MAP3K4: variants seen among roughly 807,000 people sequenced by gnomAD.
MAP3K4 encodes the protein MAP three kinase 1.
Under a neutral mutation model 185.6 loss-of-function variants are expected in MAP3K4, and 67 were observed. The ratio of observed to expected loss-of-function variants is 0.36; its 90% CI spans 0.30 to 0.44. The LOEUF (loss-of-function observed/expected upper bound fraction) is 0.44, where lower values mean the gene tolerates loss of function less well. Among genes scored for constraint, MAP3K4 ranks in the 20% least tolerant of loss-of-function variants. MAP3K4 has a pLI of 1.00. For missense variants in MAP3K4, 1,551 were observed against 1,995.1 expected (o/e 0.78, Z 4.24); for synonymous variants, 702 against 710.4 (o/e 0.99, Z 0.19).
In MAP3K4 at chr6:161,109,615, A is replaced by G. The variant is rs572799679; in HGVS notation, c.4237-140A>G. On this transcript the variant is annotated intron_variant, in intron 22 of 26. Coordinates refer to ENST00000392142, the MANE Select transcript of MAP3K4 (RefSeq NM_005922.4). This position sits in a 1 kb window ranked among gnomAD's most constrained non-coding sequence, Gnocchi z 5.7. The stretch of plus-strand genomic sequence containing the variant: ...GAAACGACTGTTGTGAGACACATTC[A>G]GTGCTCAGGATGGCAAGTGTAGTAT... 6 of 790,074 alleles carry G rather than the reference A, an allele frequency of 7.6e-6. No individual in the cohort carries two copies. The South Asian group carries it at 1.0e-4, about 14-fold the overall frequency. The allele number at this position is 790,074 out of a possible 1,614,324, so 48.9% of individuals were successfully genotyped here.
chr6:161,039,059 C>T (rs1480934239), intron 2 of MAP3K4, among the ~76,000 whole-genome samples: 5 of 152,192 alleles, frequency 3.3e-5, no homozygotes, highest in Middle Eastern at 3.4e-3. Context: ...CCTTAGCTTC[C>T]GCGGTTGTGC....
chr6:161,021,481 T>A (rs1377448038), intron 1 of MAP3K4, among the ~76,000 whole-genome samples: 21 of 152,190 alleles, frequency 1.4e-4, no homozygotes, highest in Admixed American at 1.4e-3. Context: ...TCTGCCTCCT[T>A]TTTCTGTGCA....
chr6:161,091,894 T>C lies in MAP3K4; in HGVS notation c.3136-116T>C, dbSNP rs1777328270. 7 of 871,754 alleles carry C rather than the reference T, an allele frequency of 8.0e-6. No homozygotes were observed. The highest frequency in any genetic ancestry group is 1.8e-5 in the South Asian group (1 of 55,706). The allele number at this position is 871,754 out of a possible 1,614,324, so 54.0% of individuals were successfully genotyped here. On this transcript the variant is annotated intron_variant, in intron 12 of 26. Coordinates refer to ENST00000392142, the MANE Select transcript of MAP3K4 (RefSeq NM_005922.4). This position sits in a 1 kb window ranked among gnomAD's most constrained non-coding sequence, Gnocchi z 5.5. ...CTTCATACTATTCAAAATATAGAAA[T>C]TTTAATTGGATTTCACTTTTTGTTT...
chr6:161,022,997 G>A lies in MAP3K4; in HGVS notation c.153-11262G>A, dbSNP rs1782475431. ...ATTGAAAACATAAACAAGTATAAAT[G>A]TTTTATTCCCATTTAACATAATTTT... On this transcript the variant is annotated intron_variant, in intron 1 of 26. Transcript: ENST00000392142. This position sits in a 1 kb window ranked among gnomAD's most constrained non-coding sequence, Gnocchi z 4.2. 6.6e-6 allele frequency among the ~76,000 whole-genome samples: 1 copy of A among 152,078 alleles called. No individual in the cohort carries two copies. Among genetic ancestry groups the A allele is most frequent in the Non-Finnish European group, 1.5e-5 (1 of 68,002 alleles).
Position 161,070,590 on chromosome 6 carries a change from G to T in MAP3K4, c.1708-18G>T, listed in dbSNP as rs1182654852. The T allele has an allele frequency of 2.5e-6, 4 of 1,610,924 alleles. No homozygotes were observed. The East Asian group carries it at 8.9e-5, about 36-fold the overall frequency. On this transcript the variant is annotated intron_variant, in intron 3 of 26. Coordinates refer to ENST00000392142, the MANE Select transcript of MAP3K4 (RefSeq NM_005922.4). The surrounding 1 kb of genome is among the most constrained non-coding windows in gnomAD (Gnocchi z 4.5). ...TCGTATGCTCTTTTAATCTGTGCCT[G>T]TTGAATTTTTGTTATAGTTTTCTGA...
intron 19 of MAP3K4, among the ~76,000 whole-genome samples, chr6:161,104,319 C>T (rs1362746371): frequency 6.7e-6 from 1 of 149,752 alleles, no homozygotes; most frequent in African/African-American, 2.5e-5. Context: ...GAGGCTGAGG[C>T]AGAAGAATTG....
intron 1 of MAP3K4, among the ~76,000 whole-genome samples, chr6:161,031,673 T>G (rs77334937): frequency 0.038 from 5,844 of 152,336 alleles, 149 homozygotes; most frequent in South Asian, 0.072. Context: ...TGCTAGATAC[T>G]AGCAAAACAG....
chr6:161,050,035 C>A, intron 3 of MAP3K4, 56 bp downstream of exon 3: 1 of 1,459,818 alleles, frequency 6.9e-7, no homozygotes, highest in Non-Finnish European at 9.2e-7. Flanking sequence ...TTATTTATTG[C>A]AAATTATAAT....
rs1057374883 is a variant in MAP3K4, at chr6:161,061,654, G to C, written c.1708-8954G>C. The stretch of plus-strand genomic sequence containing the variant: ...TCACTAGCCCTATCTCTAGGCAACC[G>C]CTAATCTACTTTCTGTCTCTTAATA... On this transcript the variant is annotated intron_variant, in intron 3 of 26. Transcript: ENST00000392142. This position sits in a 1 kb window ranked among gnomAD's most constrained non-coding sequence, Gnocchi z 4.2. 6.6e-6 allele frequency among the ~76,000 whole-genome samples: 1 copy of C among 152,122 alleles called. No homozygotes were observed. The highest frequency in any genetic ancestry group is 2.1e-4 in the South Asian group (1 of 4,832).
intron 3 of MAP3K4, among the ~76,000 whole-genome samples, chr6:161,069,361 G>C (rs1352901541): frequency 6.6e-6 from 1 of 152,212 alleles, no homozygotes; most frequent in Non-Finnish European, 1.5e-5. Flanking sequence ...GGTGAACCTT[G>C]AAAACTAAGG....
At chr6:160,992,197 T>C (rs1465848768) in intron 1 of MAP3K4, 114 bp downstream of exon 1, 2 of 1,352,370 alleles carry the variant, frequency 1.5e-6, no homozygotes, top group Non-Finnish European at 1.9e-6. Flanking sequence ...AAGCATCCAG[T>C]CTCTGCAGGC....
chr6:161,068,635 T>C (rs1277183821), intron 3 of MAP3K4, among the ~76,000 whole-genome samples: 2 of 152,176 alleles, frequency 1.3e-5, no homozygotes, highest in African/African-American at 4.8e-5. Flanking sequence ...GATTGACGCG[T>C]TGTAATCAGA....
Position 161,111,832 on chromosome 6 carries a change from T to G in MAP3K4, c.4397-4T>G. On this transcript the variant is annotated splice_region_variant and splice_polypyrimidine_tract_variant and intron_variant, in intron 23 of 26. Coordinates refer to ENST00000392142, the MANE Select transcript of MAP3K4 (RefSeq NM_005922.4). ...TGCGTAACAACTACTTCTTTTCTTT[T>G]TAGGTGCCAATATCTTCCTTACCTC... 1 of 1,613,768 alleles carries G rather than the reference T, an allele frequency of 6.2e-7. No homozygotes were observed. Among genetic ancestry groups the G allele is most frequent in the South Asian group, 1.1e-5 (1 of 90,986 alleles).
intron 13 of MAP3K4, 52 bp from the exon 14 acceptor site, chr6:161,092,926 C>A: frequency 9.4e-7 from 1 of 1,062,510 alleles, no homozygotes; most frequent in Non-Finnish European, 1.5e-6. Context: ...TCTAAAACTG[C>A]TACAGCGTTT....
rs145569434 is a variant in MAP3K4 at position 161,086,586 on chromosome 6, C to T, written c.2475C>T (p.Asp825=). 7.7e-3 allele frequency: 12,346 copies of T among 1,613,398 alleles called. 81 individuals are homozygous for T. The highest frequency in any genetic ancestry group is 0.033 in the Admixed American group (1,979 of 59,978). Residue 825 remains aspartate (D), a splice_region_variant and synonymous_variant, in exon 9 of 27, where the codon GAC becomes GAT. Transcript: ENST00000392142. This position sits in a 1 kb window ranked among gnomAD's most constrained non-coding sequence, Gnocchi z 4.8. ...TTTCTTTGTAACTGTGATCCTAGGA[C>T]CTGGAAATAGCAGCAGAATTCAGGC... ...ALGFAKMLRK[D]LEIAAEFRLS...
At position 161,054,744 on chromosome 6, in the gene MAP3K4, C is replaced by T. The variant is rs554438380; in HGVS notation, c.1707+4765C>T. On this transcript the variant is annotated intron_variant, in intron 3 of 26. Transcript: ENST00000392142. This position sits in a 1 kb window ranked among gnomAD's most constrained non-coding sequence, Gnocchi z 4.2. ...TGTTTGGGATCTTGAAAATACTTAT[C>T]TATAGAAACAGTGTTGTAAATAAGA... Among the ~76,000 whole-genome samples the T allele has an allele frequency of 6.6e-6, 1 of 152,250 alleles. No individual in the cohort carries two copies. The highest frequency in any genetic ancestry group is 1.9e-4 in the East Asian group (1 of 5,180).
rs556737716 is a variant in MAP3K4, at chr6:161,088,024, C to T, written c.2823+70C>T. On this transcript the variant is annotated intron_variant, in intron 10 of 26. Transcript: ENST00000392142. This position sits in a 1 kb window ranked among gnomAD's most constrained non-coding sequence, Gnocchi z 4.5. ...TTTAGTAAGAATGAACTGTTAGCTGCTCATGAATGAGGGGTTTGACTACCC... is the reference window on the plus strand; with the variant it reads ...TTTAGTAAGAATGAACTGTTAGCTGTTCATGAATGAGGGGTTTGACTACCC... 43 of 1,487,436 alleles carry T rather than the reference C, an allele frequency of 2.9e-5. No individual in the cohort carries two copies. In the African/African-American group the frequency reaches 5.7e-4, roughly 20 times the overall value. 92.1% of individuals were successfully genotyped at this position (1,487,436 alleles called of 1,614,324 possible).
In MAP3K4 at chr6:161,091,940, G is replaced by A; in HGVS notation, c.3136-70G>A. 1 of 1,253,622 alleles carries A rather than the reference G, an allele frequency of 8.0e-7. No homozygotes were observed. Among genetic ancestry groups the A allele is most frequent in the East Asian group, 2.3e-5 (1 of 42,792 alleles). 77.7% of individuals were successfully genotyped at this position (1,253,622 alleles called of 1,614,324 possible). A position where few individuals can be genotyped will look rare whatever the true frequency, so the allele number is the denominator to read the frequency against. ...TGTTTTTAGAAAACATTTTAGACATGGCATTATAGTGTGTGATATTATTTA... is the reference window on the plus strand; with the variant it reads ...TGTTTTTAGAAAACATTTTAGACATAGCATTATAGTGTGTGATATTATTTA... On this transcript the variant is annotated intron_variant, in intron 12 of 26. Transcript: ENST00000392142. The surrounding 1 kb of genome is among the most constrained non-coding windows in gnomAD (Gnocchi z 5.5).
chr6:161,109,703 G>C lies in MAP3K4; in HGVS notation c.4237-52G>C. The C allele has an allele frequency of 2.5e-6, 4 of 1,599,154 alleles. No individual in the cohort carries two copies. The highest frequency in any genetic ancestry group is 3.4e-6 in the Non-Finnish European group (4 of 1,167,694). On this transcript the variant is annotated intron_variant, in intron 22 of 26. Transcript: ENST00000392142. This position sits in a 1 kb window ranked among gnomAD's most constrained non-coding sequence, Gnocchi z 5.7. ...GAAGTTTTCCAGATTTTTCACTAGC[G>C]TACATCTAAGGAAAACCGTAAACAC...
Sources: allele counts gnomAD v4.1 joint callset (sites outside exome capture counted in the v4.1 genomes callset), GRCh38; gene constraint gnomAD v4.1.1; non-coding constraint Gnocchi (gnomAD v3.1); transcripts MANE v1.5; gene names NCBI Gene and HGNC (gene_info 2026-07-23, HGNC 2026-07-21).